RAB23: variants seen among roughly 807,000 people sequenced by gnomAD.
RAB23 encodes the protein RAB23, member RAS oncogene family.
RAB23 carries 15 observed loss-of-function variants against 30.0 expected under a neutral mutation model. The ratio of observed to expected loss-of-function variants is 0.50; its 90% confidence interval spans 0.33 to 0.77. The LOEUF (loss-of-function observed/expected upper bound fraction) is 0.77, where lower values mean the gene tolerates loss of function less well. RAB23 is among the 30% of genes least tolerant of loss of function. The pLI is 0.02. For missense variants in RAB23, 243 were observed against 275.4 expected, an observed-to-expected ratio of 0.88 and a Z score of 0.83; for synonymous variants, 93 against 94.0, an observed-to-expected ratio of 0.99 and a Z score of 0.06.
Position 57,189,700 on chromosome 6 carries a change from A to T in RAB23, c.*761T>A, listed in dbSNP as rs2127995966. The stretch of plus-strand genomic sequence containing the variant: ...GCTTTTAAAAGATATAATAAACAAT[A>T]TAAATTCTGATAGTAAAGCACTATA... On this transcript the variant is annotated 3_prime_UTR_variant, in exon 7 of 7. Coordinates refer to ENST00000468148, the MANE Select transcript of RAB23 (RefSeq NM_016277.5). 1 of 152,804 alleles carries T rather than the reference A, an allele frequency of 6.5e-6. No homozygotes were observed. Among genetic ancestry groups the T allele is most frequent in the South Asian group, 2.1e-4 (1 of 4,832 alleles). 9.5% of individuals were successfully genotyped at this position (152,804 alleles called of 1,614,324 possible).
At chr6:57,211,525 A>G (rs1399470170) in intron 1 of RAB23, among the ~76,000 whole-genome samples, 1 of 152,200 alleles carries the variant, frequency 6.6e-6, no homozygotes, top group Non-Finnish European at 1.5e-5. Flanking sequence ...CAAATAGGCA[A>G]CAAATTCAAA....
chr6:57,191,351 C>A (rs534706539), intron 6 of RAB23, among the ~76,000 whole-genome samples: 4 of 152,266 alleles, frequency 2.6e-5, no homozygotes, highest in Admixed American at 2.6e-4. Context: ...CATATATATT[C>A]TCTTTTCTAC....
At chr6:57,199,374 T>G (rs1765149996) in intron 3 of RAB23, among the ~76,000 whole-genome samples, 1 of 152,124 alleles carries the variant, frequency 6.6e-6, no homozygotes, top group Non-Finnish European at 1.5e-5. Context: ...CTTTACTGGT[T>G]TTTCTCCCTT....
At chr6:57,205,025 T>G (rs1194307181) in intron 3 of RAB23, among the ~76,000 whole-genome samples, 1 of 151,398 alleles carries the variant, frequency 6.6e-6, no homozygotes, top group Non-Finnish European at 1.5e-5. Context: ...TACATACATA[T>G]ATGTATATGT....
chr6:57,196,948 T>A (rs1765046295), intron 3 of RAB23, among the ~76,000 whole-genome samples: 1 of 152,216 alleles, frequency 6.6e-6, no homozygotes, highest in Non-Finnish European at 1.5e-5. Context: ...AAATACTGAT[T>A]TAATTCCATT....
At chr6:57,220,397 C>G (rs1298449985) in intron 1 of RAB23, among the ~76,000 whole-genome samples, 3 of 152,126 alleles carry the variant, frequency 2.0e-5, no homozygotes, top group Non-Finnish European at 4.4e-5. Flanking sequence ...GCAATCCACT[C>G]CTAGCAATAC....
Position 57,193,941 on chromosome 6 carries a change from T to A in RAB23, c.482-7A>T, listed in dbSNP as rs1221714796. On this transcript the variant is annotated splice_region_variant and splice_polypyrimidine_tract_variant and intron_variant, in intron 5 of 6. Coordinates refer to ENST00000468148, the MANE Select transcript of RAB23 (RefSeq NM_016277.5). ...TCAGCCAAATACTTAAAAACTAGAA[T>A]AAAAAGAAAACACCCAGAACCAGGT... 6.2e-7 allele frequency: 1 copy of A among 1,610,326 alleles called. No homozygotes were observed. The highest frequency in any genetic ancestry group is 8.5e-7 in the Non-Finnish European group (1 of 1,177,768).
chr6:57,211,612 A>T (rs942997696), intron 1 of RAB23, among the ~76,000 whole-genome samples: 4 of 152,224 alleles, frequency 2.6e-5, no homozygotes, highest in Admixed American at 6.5e-5. Flanking sequence ...TTTGTATAAT[A>T]GTGTACGACC....
chr6:57,199,434 C>T (rs1357856994), intron 3 of RAB23, among the ~76,000 whole-genome samples: 1 of 152,168 alleles, frequency 6.6e-6, no homozygotes, highest in African/African-American at 2.4e-5. Flanking sequence ...GGATCATGTC[C>T]CAAATAAACG....
chr6:57,202,924 A>C (rs1431735697), intron 3 of RAB23, among the ~76,000 whole-genome samples: 8 of 151,776 alleles, frequency 5.3e-5, no homozygotes, highest in Admixed American at 5.2e-4. Flanking sequence ...GCTGAAACTG[A>C]GGACCTATCT....
chr6:57,210,845 A>T (rs1562658499), intron 1 of RAB23, among the ~76,000 whole-genome samples: 1 of 152,208 alleles, frequency 6.6e-6, no homozygotes, highest in African/African-American at 2.4e-5. Context: ...GATCAATGAT[A>T]CACATAAAGC....
chr6:57,221,551 C>T (rs1286965712), intron 1 of RAB23, 175 bp downstream of exon 1: 2 of 152,422 alleles, frequency 1.3e-5, no homozygotes, highest in Non-Finnish European at 2.9e-5. Flanking sequence ...TCTTCGCCAT[C>T]AAACCTAACC....
chr6:57,194,315 G>C (rs1249283417), intron 5 of RAB23, among the ~76,000 whole-genome samples: 2 of 151,878 alleles, frequency 1.3e-5, no homozygotes, highest in African/African-American at 4.8e-5. Context: ...ATCTAAATAA[G>C]TGGCAATTCC....
intron 6 of RAB23, 44 bp from the exon 7 acceptor site, chr6:57,190,644 G>C (rs1258129649): frequency 6.2e-7 from 1 of 1,602,264 alleles, no homozygotes; most frequent in East Asian, 2.2e-5. Context: ...TGACACGCCT[G>C]AGTTACCTGT....
chr6:57,214,617 T>C (rs1765769772), intron 1 of RAB23, among the ~76,000 whole-genome samples: 1 of 152,176 alleles, frequency 6.6e-6, no homozygotes, highest in South Asian at 2.1e-4. Context: ...TCTGTTTCAA[T>C]GGAAGACAAG....
intron 6 of RAB23, among the ~76,000 whole-genome samples, chr6:57,192,012 T>C (rs1288572247): frequency 1.3e-5 from 2 of 151,854 alleles, no homozygotes; most frequent in Non-Finnish European, 2.9e-5. Context: ...CAGCTAATTT[T>C]TCTTTTTTTT....
At chr6:57,214,577 T>G (rs569851216) in intron 1 of RAB23, among the ~76,000 whole-genome samples, 1 of 152,266 alleles carries the variant, frequency 6.6e-6, no homozygotes, top group African/African-American at 2.4e-5. Flanking sequence ...GTGCTGAGAT[T>G]ACAGGCACGA....
intron 1 of RAB23, among the ~76,000 whole-genome samples, chr6:57,215,787 T>C (rs1765813551): frequency 6.6e-6 from 1 of 152,116 alleles, no homozygotes; most frequent in South Asian, 2.1e-4. Flanking sequence ...CTATGTTTGA[T>C]AGTTGAAAAA....
intron 3 of RAB23, 124 bp from the exon 4 acceptor site, chr6:57,196,730 G>A (rs1241225691): frequency 8.6e-7 from 1 of 1,160,952 alleles, no homozygotes; most frequent in Non-Finnish European, 1.2e-6. Flanking sequence ...CAACTTTTAT[G>A]TAAATAAATG....
Sources: gnomAD v4.1 joint callset for allele counts (sites outside exome capture counted in the v4.1 genomes callset) on GRCh38, gnomAD v4.1.1 for gene constraint, MANE v1.5 for transcripts, NCBI Gene and HGNC (gene_info 2026-07-23, HGNC 2026-07-21) for gene names.